USP34: variants seen among roughly 807,000 people sequenced by gnomAD.
The protein encoded by USP34 is ubiquitin specific peptidase 34.
Under a neutral mutation model 460.3 loss-of-function variants are expected in USP34, and 70 were observed. That is an observed-to-expected ratio of 0.15 (90% CI 0.13 to 0.19). USP34 has a LOEUF of 0.19. Among genes scored for constraint, USP34 ranks in the 10% least tolerant of loss-of-function variants. USP34 has a pLI of 1.00. For synonymous variants in USP34, 1,647 were observed against 1,405.3 expected, an observed-to-expected ratio of 1.17 and a Z score of -3.85; for missense variants, 3,985 against 4,236.2, an observed-to-expected ratio of 0.94 and a Z score of 1.65.
chr2:61,325,241 T>C (rs1691050205), intron 21 of USP34, 134 bp downstream of exon 21: 2 of 558,334 alleles, frequency 3.6e-6, no homozygotes, highest in Admixed American at 8.1e-5. Context: ...GTAACAAACA[T>C]ACATGTGCCC....
intron 3 of USP34, among the ~76,000 whole-genome samples, chr2:61,403,885 C>G (rs576108172): frequency 1.4e-4 from 21 of 148,218 alleles, no homozygotes; most frequent in Non-Finnish European, 2.7e-4. Context: ...CCCAGCTACT[C>G]AGGAGGCTGA....
chr2:61,251,873 G>A (rs1469852105), intron 48 of USP34, among the ~76,000 whole-genome samples: 1 of 151,736 alleles, frequency 6.6e-6, no homozygotes, highest in African/African-American at 2.4e-5. Context: ...TGTTAGAAAG[G>A]CCGCCCCCTT....
chr2:61,403,185 T>G (rs1197801650), intron 3 of USP34, among the ~76,000 whole-genome samples: 1 of 152,068 alleles, frequency 6.6e-6, no homozygotes, highest in South Asian at 2.1e-4. Flanking sequence ...AGTAGTAACA[T>G]AAAATACTCA....
At chr2:61,427,470 G>T (rs1260619835) in intron 1 of USP34, among the ~76,000 whole-genome samples, 1 of 152,160 alleles carries the variant, frequency 6.6e-6, no homozygotes, top group Non-Finnish European at 1.5e-5. Flanking sequence ...AGGAAAACAT[G>T]ACCTCACCAA....
chr2:61,346,871 C>T (rs1572955375), intron 15 of USP34, among the ~76,000 whole-genome samples: 1 of 143,682 alleles, frequency 7.0e-6, no homozygotes, highest in African/African-American at 2.6e-5. Context: ...GGCCTGGTGG[C>T]TCACACCTGT....
At chr2:61,293,375 T>C in intron 33 of USP34, 89 bp downstream of exon 33, 1 of 964,270 alleles carries the variant, frequency 1.0e-6, no homozygotes, top group East Asian at 2.5e-5. Flanking sequence ...TAAGGAACTA[T>C]ATGGCAAAAG....
rs1301274878 is a variant in USP34 at position 61,223,073 on chromosome 2, C to T, written c.7736G>A (p.Arg2579Gln). The change falls in exon 64 of 80, where the codon CGA (arginine) becomes CAA (glutamine). Residue 2579 changes from arginine (R) to glutamine (Q), a missense_variant. This residue lies in a region of USP34 where 604 missense variants were observed against 684.8 expected (regional missense o/e 0.88). Transcript: ENST00000398571. Reference sequence around the variant, plus strand: ...CTTAGCACTTACATGTTCTGCAAGTCGATTATTGTATCGACACAGGCTGAA... The same window carrying T: ...CTTAGCACTTACATGTTCTGCAAGTTGATTATTGTATCGACACAGGCTGAA... ...LIFSLCRYNN[R>Q]LAEHIVSMLF... The T allele has an allele frequency of 6.2e-6, 10 of 1,612,930 alleles. No homozygotes were observed. Among genetic ancestry groups the T allele is most frequent in the South Asian group, 2.2e-5 (2 of 90,928 alleles).
At position 61,435,485 on chromosome 2, in the gene USP34, A is replaced by C. The variant is rs75460146; in HGVS notation, c.44-14652T>G. 5.6e-3 allele frequency among the ~76,000 whole-genome samples: 855 copies of C among 152,164 alleles called. 8 individuals carry two copies. Among genetic ancestry groups the C allele is most frequent in the African/African-American group, 0.019 (780 of 41,516 alleles). On this transcript the variant is annotated intron_variant, in intron 1 of 79. Transcript: ENST00000398571. Reference sequence around the variant, plus strand: ...AAAAACAAAAAAACAGCTTATCAAGATTATACCCAGCAAAGCTGTCCTGCA... The same window carrying C: ...AAAAACAAAAAAACAGCTTATCAAGCTTATACCCAGCAAAGCTGTCCTGCA...
chr2:61,227,033 A>G, intron 62 of USP34, 34 bp downstream of exon 62: 1 of 1,559,240 alleles, frequency 6.4e-7, no homozygotes, highest in Non-Finnish European at 8.6e-7. Flanking sequence ...AAAACCAAAC[A>G]TGCTTTAAAC....
intron 3 of USP34, among the ~76,000 whole-genome samples, chr2:61,401,051 T>A (rs1693702080): frequency 7.0e-6 from 1 of 143,130 alleles, no homozygotes; most frequent in African/African-American, 2.6e-5. Flanking sequence ...CTTGGGAGGC[T>A]AAGGCAGGAG....
chr2:61,299,070 T>C (rs998222275), intron 29 of USP34, among the ~76,000 whole-genome samples: 1 of 151,888 alleles, frequency 6.6e-6, no homozygotes, highest in Non-Finnish European at 1.5e-5. Flanking sequence ...AGAGGTTTCA[T>C]GGGCACCTAT....
intron 7 of USP34, among the ~76,000 whole-genome samples, 191 bp from the exon 8 acceptor site, chr2:61,378,615 C>T (rs1017279373): frequency 6.6e-6 from 1 of 151,946 alleles, no homozygotes; most frequent in African/African-American, 2.4e-5. Flanking sequence ...TATTAAAATA[C>T]TAAATAATGG....
Position 61,350,620 on chromosome 2 carries a change from C to A in USP34, c.1325G>T (p.Arg442Ile). ...AGCTGAGACCAGATTAAGTAGATGT[C>A]TAAGTGGTACGGGATCCAAATTCTT... Reference protein sequence around the residue: ...LIKNLDPVPLRHLLNLVSALE... With the variant: ...LIKNLDPVPLIHLLNLVSALE... Residue 442 changes from arginine (R) to isoleucine (I), a missense_variant, in exon 11 of 80, where the codon AGA (arginine) becomes ATA (isoleucine). By Grantham distance (97) the Arg-to-Ile change is moderately conservative. Transcript: ENST00000398571. 4 of 1,613,556 alleles carry A rather than the reference C, an allele frequency of 2.5e-6. No individual in the cohort carries two copies. The highest frequency in any genetic ancestry group is 3.4e-6 in the Non-Finnish European group (4 of 1,179,840).
chr2:61,299,477 G>C (rs1411844993), intron 29 of USP34, among the ~76,000 whole-genome samples: 1 of 152,152 alleles, frequency 6.6e-6, no homozygotes, highest in East Asian at 1.9e-4. Flanking sequence ...TTCAGGCTGG[G>C]CACAGCAGCT....
chr2:61,340,706 G>C (rs1379588255), intron 16 of USP34, among the ~76,000 whole-genome samples: 2 of 151,910 alleles, frequency 1.3e-5, no homozygotes, highest in African/African-American at 4.8e-5. Flanking sequence ...ATGCTTATTA[G>C]CCATGTGTAT....
chr2:61,373,317 AAATT>A (rs1181254846), intron 8 of USP34, among the ~76,000 whole-genome samples: 1 of 152,198 alleles, frequency 6.6e-6, no homozygotes, highest in East Asian at 1.9e-4. Flanking sequence ...AAGCTATATA[AAATT>A]ATTAGTGAAT....
intron 41 of USP34, among the ~76,000 whole-genome samples, chr2:61,276,277 A>G (rs984387497): frequency 5.3e-5 from 8 of 152,208 alleles, no homozygotes; most frequent in African/African-American, 1.7e-4. Flanking sequence ...TACTTTTAAG[A>G]GTTCTTGAGT....
chr2:61,399,274 C>T (rs892615120), intron 3 of USP34, among the ~76,000 whole-genome samples: 4 of 150,470 alleles, frequency 2.7e-5, no homozygotes, highest in Non-Finnish European at 5.9e-5. Flanking sequence ...TCCCGGAAGG[C>T]GAAGGTTGCA....
chr2:61,193,988 G>T, intron 75 of USP34: 1 of 419,298 alleles, frequency 2.4e-6, no homozygotes, highest in South Asian at 1.0e-4. Flanking sequence ...TTTCATGTCA[G>T]AAAATATTCT....
Sources: allele counts gnomAD v4.1 joint callset (sites outside exome capture counted in the v4.1 genomes callset), GRCh38; gene constraint gnomAD v4.1.1; regional missense constraint gnomAD v4.1.1; transcripts MANE v1.5; gene names NCBI Gene and HGNC (gene_info 2026-07-23, HGNC 2026-07-21).